GALNT10: variants seen among roughly 807,000 people sequenced by gnomAD.
The protein encoded by GALNT10 is GalNAc transferase 10.
A neutral mutation model predicts 75.0 loss-of-function variants in GALNT10; 41 were observed. That is an observed-to-expected ratio of 0.55 (90% CI 0.43 to 0.71). The LOEUF is 0.71. Among genes scored for constraint, GALNT10 ranks in the 30% least tolerant of loss-of-function variants. The pLI is 0.00. For synonymous variants in GALNT10, 302 were observed against 313.0 expected, an observed-to-expected ratio of 0.96 and a Z score of 0.37; for missense variants, 727 against 818.5, an observed-to-expected ratio of 0.89 and a Z score of 1.36.
At chr5:154,302,491 G>A (rs907429117) in intron 3 of GALNT10, among the ~76,000 whole-genome samples, 4 of 152,254 alleles carry the variant, frequency 2.6e-5, no homozygotes, top group African/African-American at 9.6e-5. Flanking sequence ...CTTGGCAACT[G>A]AGCGTGGAGG....
chr5:154,322,940 T>C (rs1217744350), intron 3 of GALNT10, among the ~76,000 whole-genome samples: 1 of 152,224 alleles, frequency 6.6e-6, no homozygotes, highest in Admixed American at 6.5e-5. Context: ...CAAATATTTA[T>C]TGATCACTGT....
rs541623921 is a variant in GALNT10 at position 154,412,493 on chromosome 5, C to T, written c.1387-396C>T. 11 of 224,464 alleles carry T rather than the reference C, an allele frequency of 4.9e-5. No individual in the cohort carries two copies. Among genetic ancestry groups the T allele is most frequent in the African/African-American group, 2.1e-4 (9 of 42,264 alleles). 13.9% of individuals were successfully genotyped at this position (224,464 alleles called of 1,614,324 possible). ...CAAAGGTTTCATGTCCTTTTCTAGG[C>T]GCTTTCAAGGTATGGTCCCTGGACC... On this transcript the variant is annotated intron_variant, in intron 9 of 11. Transcript: ENST00000297107. The surrounding 1 kb of genome is among the most constrained non-coding windows in gnomAD (Gnocchi z 4.2).
intron 1 of GALNT10, chr5:154,219,936 A>G (rs1377548565): frequency 6.6e-6 from 1 of 152,026 alleles, no homozygotes; most frequent in African/African-American, 2.4e-5. Context: ...TCCCACTCCC[A>G]CAAAGTAGAC....
intron 7 of GALNT10, among the ~76,000 whole-genome samples, chr5:154,397,894 CT>C (rs1423782381): frequency 6.6e-6 from 1 of 152,206 alleles, no homozygotes; most frequent in Non-Finnish European, 1.5e-5. Flanking sequence ...CCACTGCGCC[CT>C]TCTTTCTGGG....
intron 4 of GALNT10, among the ~76,000 whole-genome samples, chr5:154,345,912 CTGGG>C (rs547409877): frequency 2.6e-4 from 39 of 150,464 alleles, no homozygotes; most frequent in African/African-American, 9.5e-4. Context: ...CCCAAAGTGC[CTGGG>C]ACTACAGTTG....
chr5:154,293,613 A>ATATATATATATAT, intron 1 of GALNT10, among the ~76,000 whole-genome samples: 1 of 109,360 alleles, frequency 9.1e-6, no homozygotes, highest in African/African-American at 4.2e-5. Flanking sequence ...ATATATATAT[A>ATATATATATATAT]TTTTTTTTTT....
At chr5:154,210,370 GCACA>G (rs950893143) in intron 1 of GALNT10, among the ~76,000 whole-genome samples, 2 of 139,682 alleles carry the variant, frequency 1.4e-5, no homozygotes, top group Admixed American at 6.9e-5. Context: ...GCACTTGCAT[GCACA>G]CACACATGCA....
At chr5:154,385,262 T>A (rs945765908) in intron 6 of GALNT10, among the ~76,000 whole-genome samples, 2 of 152,176 alleles carry the variant, frequency 1.3e-5, no homozygotes, top group Admixed American at 1.3e-4. Flanking sequence ...CAGGTGCCAG[T>A]CTTGTGCGAG....
In GALNT10 at chr5:154,286,385, GTTT is replaced by G. The variant is rs57576993; in HGVS notation, c.160-8418_160-8416del. Among the ~76,000 whole-genome samples, 48 of 139,302 alleles carry G rather than the reference GTTT, an allele frequency of 3.4e-4. 1 individual carries two copies. Among genetic ancestry groups the G allele is most frequent in the African/African-American group, 5.8e-4 (21 of 36,488 alleles). The allele number at this position is 139,302 out of a possible 152,430, so 91.4% of individuals were successfully genotyped here. On this transcript the variant is annotated intron_variant, in intron 1 of 11. Coordinates refer to ENST00000297107, the MANE Select transcript of GALNT10 (RefSeq NM_198321.4). ...TCAAATTATTGATCAGAGTCGATTTGTTTTTTTTTTTTTTTCCCAGTGATAAAA... is the reference window on the plus strand; with the variant it reads ...TCAAATTATTGATCAGAGTCGATTTGTTTTTTTTTTTTCCCAGTGATAAAA...
At chr5:154,362,169 A>G (rs1023246526) in intron 4 of GALNT10, among the ~76,000 whole-genome samples, 4 of 152,214 alleles carry the variant, frequency 2.6e-5, no homozygotes, top group Admixed American at 2.0e-4. Context: ...TATCCCCCTC[A>G]TTCCAACAAT....
intron 4 of GALNT10, among the ~76,000 whole-genome samples, chr5:154,341,883 T>C (rs1454748186): frequency 1.3e-5 from 2 of 152,298 alleles, no homozygotes; most frequent in East Asian, 1.9e-4. Context: ...TAAGTCCAGA[T>C]GTGCCTCAGA....
intron 3 of GALNT10, among the ~76,000 whole-genome samples, chr5:154,322,698 C>G (rs1260349347): frequency 6.6e-6 from 1 of 152,144 alleles, no homozygotes; most frequent in African/African-American, 2.4e-5. Context: ...GGAAAATTCC[C>G]TATCCTCCCA....
intron 4 of GALNT10, among the ~76,000 whole-genome samples, chr5:154,342,862 A>T (rs1469450792): frequency 6.6e-6 from 1 of 152,202 alleles, no homozygotes; most frequent in East Asian, 1.9e-4. Flanking sequence ...TCCAATTTTG[A>T]GGGCACTAAT....
chr5:154,215,264 C>T (rs189807145), intron 1 of GALNT10, among the ~76,000 whole-genome samples: 2 of 152,146 alleles, frequency 1.3e-5, no homozygotes, highest in African/African-American at 2.4e-5. Context: ...GGGCGGATCA[C>T]GAAGTCAAGA....
chr5:154,265,844 G>A (rs924638553), intron 1 of GALNT10, among the ~76,000 whole-genome samples: 10 of 151,720 alleles, frequency 6.6e-5, no homozygotes, highest in Admixed American at 2.6e-4. Flanking sequence ...TTTGAAAATC[G>A]CCAATTAGGC....
At chr5:154,395,001 T>G (rs1030946774) in intron 7 of GALNT10, among the ~76,000 whole-genome samples, 1 of 152,174 alleles carries the variant, frequency 6.6e-6, no homozygotes, top group African/African-American at 2.4e-5. Context: ...ATTCCATGAG[T>G]GTCCCTGCCT....
intron 4 of GALNT10, among the ~76,000 whole-genome samples, chr5:154,360,139 A>G (rs961621388): frequency 3.9e-5 from 6 of 152,194 alleles, no homozygotes; most frequent in Non-Finnish European, 1.5e-5. Context: ...AATATGGAAT[A>G]TGATGAATCT....
intron 1 of GALNT10, among the ~76,000 whole-genome samples, chr5:154,249,453 G>A (rs1232755581): frequency 6.6e-6 from 1 of 152,116 alleles, no homozygotes; most frequent in Non-Finnish European, 1.5e-5. Context: ...CAAGCAAAAT[G>A]GGTGGCACTT....
chr5:154,404,724 A>G (rs1369560388), intron 8 of GALNT10, among the ~76,000 whole-genome samples: 1 of 152,198 alleles, frequency 6.6e-6, no homozygotes, highest in East Asian at 1.9e-4. Context: ...ATATTAATAC[A>G]GGTGGTGTGG....
Sources: allele counts gnomAD v4.1 joint callset (sites outside exome capture counted in the v4.1 genomes callset), GRCh38; gene constraint gnomAD v4.1.1; non-coding constraint Gnocchi (gnomAD v3.1); transcripts MANE v1.5; gene names NCBI Gene and HGNC (gene_info 2026-07-23, HGNC 2026-07-21).